The following ASAH1 variants were observed in gnomAD, a reference collection of about 807,000 sequenced individuals.
The protein encoded by ASAH1 is N-acylsphingosine amidohydrolase 1.
ASAH1 carries 70 observed loss-of-function variants against 59.5 expected under a neutral mutation model. The observed-to-expected ratio is 1.18, with a 90% CI of 0.97 to 1.43. ASAH1 has a LOEUF of 1.43. ASAH1 is among the 40% of genes most tolerant of loss of function. ASAH1 has a pLI of 0.00. For missense variants in ASAH1, 660 were observed against 482.5 expected (o/e 1.37, Z -3.45); for synonymous variants, 213 against 166.5 (o/e 1.28, Z -2.15).
intron 6 of ASAH1, chr8:18,064,151 C>A (rs1235685727): frequency 1.5e-5 from 8 of 518,560 alleles, no homozygotes; most frequent in Non-Finnish European, 2.7e-5. Flanking sequence ...CTCCTGCGAG[C>A]ACTTCCATCA....
At chr8:18,064,647 G>C (rs1207230137) in intron 5 of ASAH1, 116 bp from the exon 6 acceptor site, 15 of 692,668 alleles carry the variant, frequency 2.2e-5, no homozygotes, top group Admixed American at 4.4e-5. Context: ...TGGCCAGTGG[G>C]GCTGTGCTGG....
intron 1 of ASAH1, among the ~76,000 whole-genome samples, chr8:18,082,796 T>C (rs773539128): frequency 6.6e-6 from 1 of 152,166 alleles, no homozygotes; most frequent in Admixed American, 6.5e-5. Flanking sequence ...GTGTTCCTGG[T>C]GGTCTTTCAA....
At chr8:18,067,478 A>C in intron 4 of ASAH1, 180 bp from the exon 5 acceptor site, 1 of 283,280 alleles carries the variant, frequency 3.5e-6, no homozygotes, top group East Asian at 7.8e-5. Flanking sequence ...TTTTTACATC[A>C]TGTAGTTATA....
upstream of ASAH1, chr8:18,084,586 C>G: frequency 6.3e-7 from 1 of 1,579,688 alleles, no homozygotes; most frequent in Non-Finnish European, 8.6e-7. Context: ...TTCATCCCCA[C>G]CGCGGAGTCA....
At chr8:18,058,568 C>A in intron 13 of ASAH1, 1 of 464,574 alleles carries the variant, frequency 2.2e-6, no homozygotes, top group Non-Finnish European at 3.9e-6. Context: ...TAATAGATAC[C>A]AATAAGAGTA....
In ASAH1 at chr8:18,059,335, A is replaced by AG. The variant is rs1412853133; in HGVS notation, c.1041+5dup. On this transcript the variant is annotated splice_donor_region_variant and intron_variant, in intron 12 of 13. Transcript: ENST00000637790. ...TTTCTTTCTATAGATGACCCTGCAA[A>AG]GGTACCTCTTGGCTGGTGCGGTTCA... 1 of 1,614,216 alleles carries AG rather than the reference A, an allele frequency of 6.2e-7. No individual in the cohort carries two copies. Among genetic ancestry groups the AG allele is most frequent in the East Asian group, 2.2e-5 (1 of 44,884 alleles).
chr8:18,077,653 CAATGACATGTAA>C (rs1300551102), intron 1 of ASAH1, among the ~76,000 whole-genome samples: 2 of 152,166 alleles, frequency 1.3e-5, no homozygotes, highest in Non-Finnish European at 2.9e-5. Flanking sequence ...CAAGGGTTCT[CAATGACATGTAA>C]AATAATTTCA....
At chr8:18,072,014 T>A (rs1158187355) in intron 2 of ASAH1, among the ~76,000 whole-genome samples, 2 of 152,188 alleles carry the variant, frequency 1.3e-5, no homozygotes, top group Non-Finnish European at 2.9e-5. Context: ...TCCTCCAACT[T>A]CCTACTCTTT....
intron 1 of ASAH1, among the ~76,000 whole-genome samples, chr8:18,078,332 G>T (rs1178943421): frequency 6.6e-6 from 1 of 152,170 alleles, no homozygotes; most frequent in East Asian, 1.9e-4. Flanking sequence ...GAACTAAAGA[G>T]CAAGCTAGCA....
At chr8:18,083,860 C>A in intron 1 of ASAH1, 121 bp downstream of exon 1, 1 of 1,518,674 alleles carries the variant, frequency 6.6e-7, no homozygotes, top group South Asian at 1.2e-5. Context: ...ACCACAGACC[C>A]CCGTAAAGAA....
chr8:18,063,143 C>T (rs1799777394), intron 7 of ASAH1, 42 bp downstream of exon 7: 2 of 1,599,460 alleles, frequency 1.3e-6, no homozygotes, highest in South Asian at 1.1e-5. Flanking sequence ...GCTGGGATTA[C>T]AGGCGTGAAC....
intron 5 of ASAH1, 120 bp downstream of exon 5, chr8:18,067,100 T>TACACCTGTGCTGTATATCTAAGACATACA: frequency 1.8e-6 from 1 of 548,494 alleles, no homozygotes; most frequent in Admixed American, 3.9e-5. Flanking sequence ...CTAAGACCTG[T>TACACCTGTGCTGTATATCTAAGACATACA]GCACCTGTGC....
chr8:18,067,332 C>T (rs1199610854), intron 4 of ASAH1, 34 bp from the exon 5 acceptor site: 4 of 1,303,508 alleles, frequency 3.1e-6, no homozygotes, highest in Middle Eastern at 4.2e-4. Context: ...AAGCATTTAA[C>T]ATAATAACAA....
chr8:18,059,307 C>G (rs781183564), intron 12 of ASAH1, 34 bp downstream of exon 12: 1 of 1,613,964 alleles, frequency 6.2e-7, no homozygotes, highest in Non-Finnish European at 8.5e-7. Context: ...TTAATGGCAA[C>G]AGTTTCTTTC....
chr8:18,066,550 A>T (rs1294059018), intron 5 of ASAH1: 1 of 152,122 alleles, frequency 6.6e-6, no homozygotes, highest in Non-Finnish European at 1.5e-5. Flanking sequence ...CACTAACAAA[A>T]AAAAAGGAAA....
chr8:18,058,472 C>A, intron 13 of ASAH1: 1 of 223,330 alleles, frequency 4.5e-6, no homozygotes, highest in Non-Finnish European at 8.8e-6. Flanking sequence ...AACCCGAACC[C>A]ACCAAGACAC....
chr8:18,069,903 T>C (rs763717576), intron 3 of ASAH1, 25 bp from the exon 4 acceptor site: 9 of 1,479,460 alleles, frequency 6.1e-6, no homozygotes, highest in Non-Finnish European at 7.5e-6. Flanking sequence ...AAATGCTTAC[T>C]AAAAGACATA....
In ASAH1 at chr8:18,059,322, G is replaced by C. The variant is rs17126194; in HGVS notation, c.1041+19C>G. 6.2e-7 allele frequency: 1 copy of C among 1,614,138 alleles called. No individual in the cohort carries two copies. The highest frequency in any genetic ancestry group is 8.5e-7 in the Non-Finnish European group (1 of 1,180,030). Reference sequence around the variant, plus strand: ...TTAATGGCAACAGTTTCTTTCTATAGATGACCCTGCAAAGGTACCTCTTGG... The same window carrying C: ...TTAATGGCAACAGTTTCTTTCTATACATGACCCTGCAAAGGTACCTCTTGG... On this transcript the variant is annotated intron_variant, in intron 12 of 13. Coordinates refer to ENST00000637790, the MANE Select transcript of ASAH1 (RefSeq NM_177924.5).
chr8:18,084,869 G>T (rs1000057430), upstream of ASAH1: 3 of 1,592,574 alleles, frequency 1.9e-6, no homozygotes, highest in Non-Finnish European at 2.6e-6. Context: ...AGCTTGGGAG[G>T]AGGCGGACGC....
Sources: gnomAD v4.1 joint callset for allele counts (sites outside exome capture counted in the v4.1 genomes callset) on GRCh38, gnomAD v4.1.1 for gene constraint, MANE v1.5 for transcripts, NCBI Gene and HGNC (gene_info 2026-07-23, HGNC 2026-07-21) for gene names.